SAMD5: variants seen among roughly 807,000 people sequenced by gnomAD.
SAMD5 encodes the protein sterile alpha motif domain containing 5, also known as sterile alpha motif domain-containing protein 5.
Under a neutral mutation model 11.3 loss-of-function variants are expected in SAMD5, and 13 were observed. The observed-to-expected ratio is 1.15, with a 90% CI of 0.75 to 1.83. The LOEUF (loss-of-function observed/expected upper bound fraction) is 1.83. Among genes scored for constraint, SAMD5 ranks in the 40% most tolerant of loss-of-function variants. The probability of loss-of-function intolerance (pLI) is 0.00; values close to 1 mark genes in which losing one functional copy is unlikely to be tolerated. For missense variants in SAMD5, 255 were observed against 239.1 expected, an observed-to-expected ratio of 1.07 and a Z score of -0.44; for synonymous variants, 129 against 111.3, an observed-to-expected ratio of 1.16 and a Z score of -1.00.
the SAMD5 span, among the ~76,000 whole-genome samples, chr6:147,951,300 GC>G: frequency 6.6e-6 from 1 of 151,744 alleles, no homozygotes; most frequent in African/African-American, 2.4e-5. Context: ...TCCTGCCTCA[GC>G]CTCCCACGTA....
chr6:147,603,323 A>G (rs1789651497), intron 1 of SAMD5, among the ~76,000 whole-genome samples: 1 of 152,182 alleles, frequency 6.6e-6, no homozygotes, highest in Non-Finnish European at 1.5e-5. Flanking sequence ...AATTTTTCTG[A>G]GCATGGAGGT....
chr6:147,898,535 GTATCCTGTTATGTTCAGTTCTT>G, the SAMD5 span, among the ~76,000 whole-genome samples: 119 of 152,262 alleles, frequency 7.8e-4, no homozygotes, highest in African/African-American at 2.6e-3. Flanking sequence ...CAAAAGATCA[GTATCCTGTTATGTTCAGTTCTT>G]TATCCTGTTA....
At chr6:147,911,125 A>G in the SAMD5 span, among the ~76,000 whole-genome samples, 5 of 152,266 alleles carry the variant, frequency 3.3e-5, no homozygotes, top group South Asian at 1.0e-3. Context: ...AGAAATGCTT[A>G]CAAAGGGATA....
chr6:147,922,859 T>C, the SAMD5 span, among the ~76,000 whole-genome samples: 1 of 151,914 alleles, frequency 6.6e-6, no homozygotes, highest in East Asian at 1.9e-4. Flanking sequence ...TGGAGATGAG[T>C]TCTTTAAAGA....
In SAMD5 at chr6:147,566,345, G is replaced by A. The variant is rs1490636276; in HGVS notation, c.*1889G>A. 9 of 981,286 alleles carry A rather than the reference G, an allele frequency of 9.2e-6. No individual in the cohort carries two copies. The highest frequency in any genetic ancestry group is 9.7e-6 in the Non-Finnish European group (8 of 826,316). The allele number at this position is 981,286 out of a possible 1,614,324, so 60.8% of individuals were successfully genotyped here. ...AAAATTCCTAAGTAGATTCTTTTGAGTGGTAGGGGAGTCTGTATAGATTAC... is the reference window on the plus strand; with the variant it reads ...AAAATTCCTAAGTAGATTCTTTTGAATGGTAGGGGAGTCTGTATAGATTAC... On this transcript the variant is annotated 3_prime_UTR_variant, in exon 2 of 2. Transcript: ENST00000367474.
At chr6:147,562,753 C>T (rs961629677) in intron 1 of SAMD5, among the ~76,000 whole-genome samples, 40 of 151,696 alleles carry the variant, frequency 2.6e-4, no homozygotes, top group Non-Finnish European at 3.8e-4. Flanking sequence ...ACCCGGGAGG[C>T]GGAGCTTGCA....
the SAMD5 span, among the ~76,000 whole-genome samples, chr6:147,763,481 T>A: frequency 0.027 from 4,132 of 151,420 alleles, 151 homozygotes; most frequent in African/African-American, 0.083. Context: ...TTTTTTTTTT[T>A]ATTAACCAGA....
the SAMD5 span, among the ~76,000 whole-genome samples, chr6:147,943,180 T>G: frequency 6.6e-6 from 1 of 152,172 alleles, no homozygotes; most frequent in South Asian, 2.1e-4. Context: ...CCATGTTTTA[T>G]AGACAGATCA....
At chr6:147,709,486 G>A (rs999868220) in intron 1 of SAMD5, among the ~76,000 whole-genome samples, 1 of 152,186 alleles carries the variant, frequency 6.6e-6, no homozygotes, top group Non-Finnish European at 1.5e-5. Context: ...AGGCTAATCA[G>A]GGTTTTGTTT....
chr6:147,928,929 C>T, the SAMD5 span, among the ~76,000 whole-genome samples: 2 of 151,310 alleles, frequency 1.3e-5, no homozygotes, highest in Non-Finnish European at 2.9e-5. Flanking sequence ...ACCCAAAAGT[C>T]ATTCAGGAGC....
At chr6:147,741,606 G>A (rs1450364815), downstream of SAMD5, 1 of 152,198 alleles carries the variant, frequency 6.6e-6, no homozygotes, top group Admixed American at 6.5e-5. Flanking sequence ...ATGATGAAGT[G>A]CGTATGTGTT....
the SAMD5 span, among the ~76,000 whole-genome samples, chr6:147,818,646 G>A: frequency 1.3e-5 from 2 of 152,110 alleles, no homozygotes; most frequent in Non-Finnish European, 2.9e-5. Context: ...ATCACTAATT[G>A]TAGGTGAGTT....
chr6:147,793,224 G>T, the SAMD5 span, among the ~76,000 whole-genome samples: 91 of 152,072 alleles, frequency 6.0e-4, no homozygotes, highest in Non-Finnish European at 1.1e-3. Context: ...CTTCTATGGC[G>T]CCTTATCCCC....
downstream of SAMD5, among the ~76,000 whole-genome samples, chr6:147,738,198 A>G (rs1353682247): frequency 1.3e-5 from 2 of 152,122 alleles, no homozygotes; most frequent in Non-Finnish European, 2.9e-5. Context: ...TGGGAAATAT[A>G]TGGTAGTGGT....
chr6:147,675,015 C>G (rs1790843971), intron 1 of SAMD5, among the ~76,000 whole-genome samples: 1 of 152,192 alleles, frequency 6.6e-6, no homozygotes, highest in African/African-American at 2.4e-5. Flanking sequence ...TGCTGATCAC[C>G]TATTTGGCTT....
intron 1 of SAMD5, among the ~76,000 whole-genome samples, chr6:147,536,006 CG>C (rs1442574158): frequency 1.3e-5 from 2 of 150,058 alleles, no homozygotes; most frequent in African/African-American, 4.9e-5. Context: ...TTTTTTGAGA[CG>C]GACTCTCGCT....
chr6:147,517,223 A>C (rs1458214255), intron 1 of SAMD5, among the ~76,000 whole-genome samples: 1 of 152,254 alleles, frequency 6.6e-6, no homozygotes, highest in African/African-American at 2.4e-5. Context: ...CTGCTGGCTA[A>C]ATCATGACAT....
chr6:147,715,946 T>C (rs1583150798), intron 1 of SAMD5, among the ~76,000 whole-genome samples: 1 of 152,102 alleles, frequency 6.6e-6, no homozygotes, highest in Non-Finnish European at 1.5e-5. Flanking sequence ...TGCTGATTGG[T>C]CCATGGGTGG....
intron 1 of SAMD5, among the ~76,000 whole-genome samples, chr6:147,629,275 C>T (rs1290225016): frequency 6.6e-6 from 1 of 151,994 alleles, no homozygotes; most frequent in Non-Finnish European, 1.5e-5. Flanking sequence ...TGTGTCATTG[C>T]ACTCCAGCCT....
Sources: gnomAD v4.1 joint callset for allele counts (sites outside exome capture counted in the v4.1 genomes callset) on GRCh38, gnomAD v4.1.1 for gene constraint, MANE v1.5 for transcripts, NCBI Gene and HGNC (gene_info 2026-07-23, HGNC 2026-07-21) for gene names.